PCDH15: variants seen among roughly 807,000 people sequenced by gnomAD.
The protein encoded by PCDH15 is protocadherin related 15, also known as protocadherin-15.
In PCDH15, 129 loss-of-function variants were observed where a neutral mutation model predicts 178.5. That is an observed-to-expected ratio of 0.72 (90% CI 0.63 to 0.84). PCDH15 has a LOEUF of 0.84. Among genes scored for constraint, PCDH15 ranks in the 40% least tolerant of loss-of-function variants. The pLI is 0.00. For synonymous variants in PCDH15, 800 were observed against 732.0 expected (o/e 1.09, Z -1.50); for missense variants, 2,230 against 2,099.9 (o/e 1.06, Z -1.21).
intron 3 of PCDH15, among the ~76,000 whole-genome samples, chr10:54,514,122 A>G (rs2081975586): frequency 6.6e-6 from 1 of 152,358 alleles, no homozygotes; most frequent in East Asian, 1.9e-4. Context: ...AGATTTACAG[A>G]GGATATTTCT....
chr10:55,264,908 C>T (rs764121122), intron 1 of PCDH15, among the ~76,000 whole-genome samples: 4 of 152,094 alleles, frequency 2.6e-5, no homozygotes, highest in Non-Finnish European at 4.4e-5. Context: ...CTTTGCAAGG[C>T]AATCCAGACC....
chr10:54,683,261 T>C (rs1380255211), intron 1 of PCDH15, among the ~76,000 whole-genome samples: 1 of 152,066 alleles, frequency 6.6e-6, no homozygotes, highest in Non-Finnish European at 1.5e-5. Flanking sequence ...ATTCACATTG[T>C]TGTGTAGCCA....
At chr10:54,912,195 A>T (rs940158582) in intron 2 of PCDH15, among the ~76,000 whole-genome samples, 2 of 152,100 alleles carry the variant, frequency 1.3e-5, no homozygotes. Flanking sequence ...AATAAATGCT[A>T]ATTCAGTTAA....
At chr10:54,827,859 T>G (rs1953156664) in intron 3 of PCDH15, among the ~76,000 whole-genome samples, 1 of 152,066 alleles carries the variant, frequency 6.6e-6, no homozygotes, top group Admixed American at 6.6e-5. Flanking sequence ...TTTAAAAAAC[T>G]TTTTGCGCAG....
chr10:54,092,856 G>C (rs893546747), intron 15 of PCDH15, among the ~76,000 whole-genome samples: 1 of 151,970 alleles, frequency 6.6e-6, no homozygotes, highest in Admixed American at 6.6e-5. Flanking sequence ...TGTTGTTATA[G>C]ATATGATCAT....
chr10:54,626,660 C>T (rs2093559937), intron 2 of PCDH15, among the ~76,000 whole-genome samples: 1 of 152,134 alleles, frequency 6.6e-6, no homozygotes, highest in South Asian at 2.1e-4. Flanking sequence ...GGGGCCTGGC[C>T]CTCATGGAGA....
intron 4 of PCDH15, among the ~76,000 whole-genome samples, chr10:54,373,008 C>T (rs192005042): frequency 2.0e-5 from 3 of 151,584 alleles, no homozygotes; most frequent in Non-Finnish European, 4.4e-5. Context: ...AATTTTGTAA[C>T]TCTGAAAAAG....
At chr10:54,083,861 A>G (rs1292659958) in intron 16 of PCDH15, among the ~76,000 whole-genome samples, 1 of 152,152 alleles carries the variant, frequency 6.6e-6, no homozygotes, top group Non-Finnish European at 1.5e-5. Context: ...CCTGAAACAT[A>G]TTATGCTTGG....
At chr10:54,144,481 C>T (rs72797063) in intron 14 of PCDH15, among the ~76,000 whole-genome samples, 4,445 of 152,220 alleles carry the variant, frequency 0.029, 84 homozygotes, top group Middle Eastern at 0.082. Flanking sequence ...TGCTAGACCC[C>T]TCATTCATCA....
intron 8 of PCDH15, among the ~76,000 whole-genome samples, chr10:54,287,301 T>A (rs924019185): frequency 1.3e-5 from 2 of 152,234 alleles, no homozygotes; most frequent in Non-Finnish European, 2.9e-5. Flanking sequence ...CTCTGACCAT[T>A]AATCTTGGGC....
chr10:55,276,446 A>C (rs1422939695), intron 1 of PCDH15, among the ~76,000 whole-genome samples: 1 of 151,202 alleles, frequency 6.6e-6, no homozygotes, highest in Admixed American at 6.6e-5. Context: ...GTGTTTATAT[A>C]ATTCAAAATA....
At chr10:53,886,117 G>T (rs2081075121) in intron 26 of PCDH15, among the ~76,000 whole-genome samples, 1 of 152,144 alleles carries the variant, frequency 6.6e-6, no homozygotes. Context: ...CAGGTAACAG[G>T]TAACAATGAC....
Position 55,106,369 on chromosome 10 carries a change from A to T in PCDH15, c.-80+60207T>A, listed in dbSNP as rs1425404113. 2.6e-5 allele frequency among the ~76,000 whole-genome samples: 4 copies of T among 152,254 alleles called. No individual in the cohort carries two copies. The South Asian group carries it at 8.3e-4, about 31-fold the overall frequency. On this transcript the variant is annotated intron_variant, in intron 2 of 5. Coordinates refer to the PCDH15 transcript ENST00000458638. ...TGTTTTTGACATAAACTATAGAATA[A>T]GAAGATATGAAACAAACATAAATAT...
At chr10:53,872,563 C>G (rs73238501) in intron 26 of PCDH15, among the ~76,000 whole-genome samples, 1,873 of 152,280 alleles carry the variant, frequency 0.012, 31 homozygotes, top group African/African-American at 0.042. Context: ...CTGGATCTTT[C>G]TCCTCTTGGA....
At chr10:55,310,055 A>G (rs1367450820) in intron 1 of PCDH15, among the ~76,000 whole-genome samples, 1 of 151,550 alleles carries the variant, frequency 6.6e-6, no homozygotes, top group East Asian at 1.9e-4. Context: ...GGCTACATTT[A>G]TTTTCCTTTT....
At chr10:55,084,226 A>T (rs905508552) in intron 2 of PCDH15, among the ~76,000 whole-genome samples, 2 of 151,818 alleles carry the variant, frequency 1.3e-5, no homozygotes, top group African/African-American at 4.8e-5. Context: ...AAAGTGGTAG[A>T]CAAAAAAAGA....
At position 54,566,346 on chromosome 10, in the gene PCDH15, C is replaced by T. The variant is rs1930174; in HGVS notation, c.92-38469G>A. 5.3e-4 allele frequency among the ~76,000 whole-genome samples: 81 copies of T among 152,272 alleles called. 2 individuals are homozygous for T. In the South Asian group the frequency reaches 0.016, roughly 30 times the overall value. On this transcript the variant is annotated intron_variant, in intron 2 of 37. Coordinates refer to ENST00000644397, the MANE Select transcript of PCDH15 (RefSeq NM_001384140.1). The stretch of plus-strand genomic sequence containing the variant: ...TGAAACTTCATTTACACATCATTAT[C>T]ACTCAAATACTAGTTTATATTAGGG...
At chr10:53,912,283 G>C (rs1176686099) in intron 25 of PCDH15, among the ~76,000 whole-genome samples, 2 of 152,166 alleles carry the variant, frequency 1.3e-5, no homozygotes, top group Non-Finnish European at 2.9e-5. Context: ...ACTAGGTATT[G>C]ATGGAACATT....
intron 10 of PCDH15, among the ~76,000 whole-genome samples, chr10:54,196,202 G>A (rs1161185087): frequency 6.6e-6 from 1 of 151,950 alleles, no homozygotes; most frequent in African/African-American, 2.4e-5. Flanking sequence ...GAGTGCAGTG[G>A]AGTGAACTCG....
Sources: allele counts gnomAD v4.1 joint callset (sites outside exome capture counted in the v4.1 genomes callset), GRCh38; gene constraint gnomAD v4.1.1; transcripts MANE v1.5; gene names NCBI Gene and HGNC (gene_info 2026-07-23, HGNC 2026-07-21).